Variants in SYTL3 observed in about 807,000 individuals in gnomAD.
The protein encoded by SYTL3 is synaptotagmin like 3.
A neutral mutation model predicts 82.1 loss-of-function variants in SYTL3; 88 were observed. The observed-to-expected ratio is 1.07, with a 90% CI of 0.90 to 1.28. The LOEUF (loss-of-function observed/expected upper bound fraction) is 1.28, where lower values mean the gene tolerates loss of function less well. Among genes scored for constraint, SYTL3 ranks in the 50% most tolerant of loss-of-function variants. The probability of loss-of-function intolerance (pLI) is 0.00; values close to 1 mark genes in which losing one functional copy is unlikely to be tolerated. For missense variants in SYTL3, 831 were observed against 757.6 expected (o/e 1.10, Z -1.14); for synonymous variants, 311 against 289.4 (o/e 1.07, Z -0.76).
At chr6:158,652,540 C>T (rs965221522) in intron 2 of SYTL3, among the ~76,000 whole-genome samples, 31 of 151,638 alleles carry the variant, frequency 2.0e-4, no homozygotes, top group Middle Eastern at 3.4e-3. Flanking sequence ...TGAGCCACCA[C>T]GCCCGGCCTT....
intron 8 of SYTL3, among the ~76,000 whole-genome samples, chr6:158,711,490 G>T (rs1782757917): frequency 6.6e-6 from 1 of 152,206 alleles, no homozygotes; most frequent in African/African-American, 2.4e-5. Flanking sequence ...CCAGTAGCGT[G>T]ACTCAGTCCA....
chr6:158,669,294 T>C (rs1186470835), intron 5 of SYTL3, among the ~76,000 whole-genome samples: 1 of 152,086 alleles, frequency 6.6e-6, no homozygotes, highest in Non-Finnish European at 1.5e-5. Context: ...TCCCTTAAGA[T>C]TGCTGAGGAA....
intron 17 of SYTL3, among the ~76,000 whole-genome samples, chr6:158,764,197 C>T (rs1790424142): frequency 2.0e-5 from 3 of 152,254 alleles, no homozygotes; most frequent in African/African-American, 7.2e-5. Context: ...TGGTGTGCAA[C>T]TATCCACTCC....
chr6:158,721,078 AG>A (rs1483014203), intron 10 of SYTL3, among the ~76,000 whole-genome samples: 1 of 152,142 alleles, frequency 6.6e-6, no homozygotes, highest in Non-Finnish European at 1.5e-5. Flanking sequence ...GACGGTGGGG[AG>A]ACAGTGGGGA....
At chr6:158,734,478 C>T (rs1785874024) in intron 11 of SYTL3, among the ~76,000 whole-genome samples, 1 of 152,180 alleles carries the variant, frequency 6.6e-6, no homozygotes, top group Admixed American at 6.5e-5. Flanking sequence ...TCACCTACCC[C>T]ATCGCTCATT....
At chr6:158,692,712 C>T (rs1192124368) in intron 6 of SYTL3, among the ~76,000 whole-genome samples, 1 of 149,200 alleles carries the variant, frequency 6.7e-6, no homozygotes. Context: ...CCAAGGAGGG[C>T]GGATCACGAG....
chr6:158,714,992 G>A (rs1783189104), intron 9 of SYTL3, among the ~76,000 whole-genome samples: 1 of 152,190 alleles, frequency 6.6e-6, no homozygotes, highest in Non-Finnish European at 1.5e-5. Context: ...TCATGGGCCT[G>A]TTTGCTAAGA....
intron 12 of SYTL3, 111 bp from the exon 13 acceptor site, chr6:158,751,817 A>G: frequency 1.3e-6 from 1 of 780,040 alleles, no homozygotes. Flanking sequence ...AAATTCCAGC[A>G]GGAAGCCTGG....
At chr6:158,697,239 G>C (rs1435705921) in intron 6 of SYTL3, among the ~76,000 whole-genome samples, 4 of 131,088 alleles carry the variant, frequency 3.1e-5, no homozygotes, top group Non-Finnish European at 6.2e-5. Flanking sequence ...AGGAGTTCGA[G>C]ACCAGCCTAG....
rs893783338 is a variant in SYTL3 at position 158,757,141 on chromosome 6, T to C, written c.1138-70T>C. 7.6e-5 allele frequency: 113 copies of C among 1,480,204 alleles called. No individual in the cohort carries two copies. In the Admixed American group the frequency reaches 2.4e-3, roughly 32 times the overall value. 91.7% of individuals were successfully genotyped at this position (1,480,204 alleles called of 1,614,324 possible). A position where few individuals can be genotyped will look rare whatever the true frequency, so the allele number is the denominator to read the frequency against. The stretch of plus-strand genomic sequence containing the variant: ...GGAAGTGGGGCCCTGGAAGGTGGGG[T>C]CCAGAGATGGGGATCCTAGGAGTGC... On this transcript the variant is annotated intron_variant, in intron 13 of 17. Transcript: ENST00000611299.
At position 158,663,239 on chromosome 6, in the gene SYTL3, C is replaced by CA; in HGVS notation, c.-30_-29insA. 6.2e-7 allele frequency: 1 copy of CA among 1,610,016 alleles called. No homozygotes were observed. Among genetic ancestry groups the CA allele is most frequent in the South Asian group, 1.1e-5 (1 of 90,936 alleles). Reference sequence around the variant, plus strand: ...GCTTGGTCCATGCAGTGAAGCTCTTCCAACCTGGGTCAACGAAAACGGAGA... The same window carrying CA: ...GCTTGGTCCATGCAGTGAAGCTCTTCACAACCTGGGTCAACGAAAACGGAGA... On this transcript the variant is annotated 5_prime_UTR_variant, in exon 4 of 18. Transcript: ENST00000611299.
At chr6:158,691,574 CT>C (rs951283512) in intron 6 of SYTL3, among the ~76,000 whole-genome samples, 2 of 151,818 alleles carry the variant, frequency 1.3e-5, no homozygotes, top group African/African-American at 4.8e-5. Flanking sequence ...TACTTTTTTT[CT>C]TTTTTTTAAC....
chr6:158,688,735 GTGTA>G (rs1289053726), intron 6 of SYTL3, among the ~76,000 whole-genome samples: 2 of 152,190 alleles, frequency 1.3e-5, no homozygotes, highest in Non-Finnish European at 2.9e-5. Context: ...TCTTTTGTGA[GTGTA>G]TGTATCTATG....
At chr6:158,757,518 G>A in intron 14 of SYTL3, 137 bp downstream of exon 14, 1 of 946,620 alleles carries the variant, frequency 1.1e-6, no homozygotes, top group Non-Finnish European at 1.6e-6. Context: ...CTGGCGCTGT[G>A]ACTTTGAAAT....
intron 6 of SYTL3, among the ~76,000 whole-genome samples, chr6:158,693,159 G>A (rs1361449005): frequency 6.6e-6 from 1 of 152,122 alleles, no homozygotes; most frequent in Non-Finnish European, 1.5e-5. Flanking sequence ...CTCCTAAGAG[G>A]ATGTCTTTAT....
intron 9 of SYTL3, among the ~76,000 whole-genome samples, chr6:158,714,819 C>T (rs149103841): frequency 9.9e-5 from 15 of 152,188 alleles, no homozygotes; most frequent in Non-Finnish European, 1.6e-4. Context: ...GGCTCTGAGA[C>T]AGTCTCTTTA....
intron 13 of SYTL3, among the ~76,000 whole-genome samples, 198 bp downstream of exon 13, chr6:158,752,228 C>T (rs551277877): frequency 6.6e-6 from 1 of 152,296 alleles, no homozygotes; most frequent in East Asian, 1.9e-4. Flanking sequence ...AGGAAAAGTG[C>T]AGAGTCTGCC....
At chr6:158,702,346 ATTT>A (rs1214272559) in intron 6 of SYTL3, among the ~76,000 whole-genome samples, 75 of 136,686 alleles carry the variant, frequency 5.5e-4, no homozygotes, top group Non-Finnish European at 1.0e-3. Flanking sequence ...AAAAAAAAAA[ATTT>A]TTTTTTTTTT....
upstream of SYTL3, among the ~76,000 whole-genome samples, chr6:158,648,607 A>AT (rs370837628): frequency 0.092 from 11,660 of 126,992 alleles, 606 homozygotes; most frequent in African/African-American, 0.12. Context: ...AAAAAAAAAA[A>AT]AATAATAATA....
Sources: allele counts gnomAD v4.1 joint callset (sites outside exome capture counted in the v4.1 genomes callset), GRCh38; gene constraint gnomAD v4.1.1; transcripts MANE v1.5; gene names NCBI Gene and HGNC (gene_info 2026-07-23, HGNC 2026-07-21).